TPTE2: variants seen among roughly 807,000 people sequenced by gnomAD.
The protein encoded by TPTE2 is transmembrane phosphoinositide 3-phosphatase and tensin homolog 2.
In TPTE2, 53 loss-of-function variants were observed where a neutral mutation model predicts 78.6. That is an observed-to-expected ratio of 0.67 (90% CI 0.54 to 0.85). The LOEUF (loss-of-function observed/expected upper bound fraction) is 0.85, where lower values mean the gene tolerates loss of function less well. TPTE2 is among the 40% of genes least tolerant of loss of function. The pLI is 0.00. For missense variants in TPTE2, 461 were observed against 623.0 expected (o/e 0.74, Z 2.77); for synonymous variants, 175 against 206.2 (o/e 0.85, Z 1.30).
chr13:19,495,355 G>A (rs540275294), intron 1 of TPTE2, among the ~76,000 whole-genome samples: 8 of 152,230 alleles, frequency 5.3e-5, no homozygotes, highest in African/African-American at 1.7e-4. Flanking sequence ...TCTGATCTTT[G>A]TCCACTCCTA....
chr13:19,559,023 A>G, the TPTE2 span, among the ~76,000 whole-genome samples: 1 of 152,196 alleles, frequency 6.6e-6, no homozygotes, highest in African/African-American at 2.4e-5. Context: ...GATCACTAAA[A>G]TTACCAGAAA....
At chr13:19,471,209 T>C (rs1879593297) in intron 6 of TPTE2, among the ~76,000 whole-genome samples, 1 of 152,124 alleles carries the variant, frequency 6.6e-6, no homozygotes, top group Non-Finnish European at 1.5e-5. Flanking sequence ...CACCTGGATG[T>C]GTCTTGTTCT....
chr13:19,499,947 A>G lies in TPTE2; in HGVS notation c.11+3277T>C, dbSNP rs1396864118. 2.1e-5 allele frequency among the ~76,000 whole-genome samples: 3 copies of G among 143,236 alleles called. 1 individual carries two copies. The highest frequency in any genetic ancestry group is 5.7e-5 in the African/African-American group (2 of 35,078). The allele number at this position is 143,236 out of a possible 152,430, so 94.0% of individuals were successfully genotyped here. A position where few individuals can be genotyped will look rare whatever the true frequency, so the allele number is the denominator to read the frequency against. ...AAGAGAGAAGAATCTATTAAACGCA[A>G]TAAAAAATGATAAAGGGGATATCAC... On this transcript the variant is annotated intron_variant, in intron 1 of 19. Coordinates refer to ENST00000400230, the Ensembl canonical transcript of TPTE2.
At chr13:19,493,657 A>G (rs1259865654) in intron 1 of TPTE2, 156 bp from the exon 5 acceptor site, 2 of 745,470 alleles carry the variant, frequency 2.7e-6, no homozygotes, top group Non-Finnish European at 2.4e-6. Flanking sequence ...ATTTTTCTTT[A>G]TTAGAAATGA....
chr13:19,428,634 T>A (rs1052435158), intron 17 of TPTE2, among the ~76,000 whole-genome samples: 6 of 151,004 alleles, frequency 4.0e-5, no homozygotes, highest in South Asian at 2.1e-4. Context: ...ATAAAAAAAA[T>A]TAGGGGATTG....
intron 5 of TPTE2, among the ~76,000 whole-genome samples, chr13:19,474,807 T>C (rs1326353268): frequency 2.6e-5 from 4 of 152,270 alleles, no homozygotes; most frequent in Non-Finnish European, 5.9e-5. Flanking sequence ...GAAACAATTA[T>C]ATTGCATAAA....
intron 3 of TPTE2, among the ~76,000 whole-genome samples, chr13:19,491,298 T>C (rs943094260): frequency 2.0e-5 from 3 of 152,204 alleles, no homozygotes; most frequent in Admixed American, 6.5e-5. Flanking sequence ...AAAAGGTACA[T>C]AGACATATAA....
chr13:19,494,362 C>G (rs1881185329), intron 1 of TPTE2, among the ~76,000 whole-genome samples: 1 of 152,180 alleles, frequency 6.6e-6, no homozygotes, highest in African/African-American at 2.4e-5. Flanking sequence ...ATCTCGGTCT[C>G]TTTCTCTGTC....
At chr13:19,548,777 A>G in the TPTE2 span, among the ~76,000 whole-genome samples, 1 of 152,020 alleles carries the variant, frequency 6.6e-6, no homozygotes, top group Non-Finnish European at 1.5e-5. Flanking sequence ...GATCTAGGAA[A>G]TACCATTCTA....
At chr13:19,431,876 C>T (rs1324734807) in intron 16 of TPTE2, among the ~76,000 whole-genome samples, 3 of 115,432 alleles carry the variant, frequency 2.6e-5, no homozygotes, top group Non-Finnish European at 5.9e-5. Context: ...AGCATCGCCT[C>T]CCTGCTACCT....
At position 19,535,228 on chromosome 13, in the gene TPTE2, T is replaced by A. The variant is rs56232613; in HGVS notation, c.-44+1368A>T. 0.016 allele frequency among the ~76,000 whole-genome samples: 1,283 copies of A among 80,480 alleles called. 16 individuals are homozygous for A. The highest frequency in any genetic ancestry group is 0.058 in the African/African-American group (1,054 of 18,168). 52.8% of individuals were successfully genotyped at this position (80,480 alleles called of 152,430 possible). On this transcript the variant is annotated intron_variant, in intron 1 of 17. Coordinates refer to the TPTE2 transcript ENST00000390680. This position sits in a 1 kb window ranked among gnomAD's most constrained non-coding sequence, Gnocchi z 5.1. ...AAAAAAACAAACAAACAAAAAAATA[T>A]ATATATATATATATTCTTTAGATCC...
upstream of TPTE2, among the ~76,000 whole-genome samples, chr13:19,537,969 A>G (rs1020120680): frequency 1.3e-5 from 2 of 152,152 alleles, no homozygotes; most frequent in East Asian, 1.9e-4. Context: ...ACATCCATCA[A>G]TAAGTAGATT....
At chr13:19,438,942 C>T (rs1013104032) in intron 13 of TPTE2, among the ~76,000 whole-genome samples, 9 of 152,052 alleles carry the variant, frequency 5.9e-5, no homozygotes, top group Admixed American at 1.3e-4. Flanking sequence ...TGGAGATCCA[C>T]GCAACCCGGG....
chr13:19,461,301 G>A (rs776509635), intron 10 of TPTE2, among the ~76,000 whole-genome samples: 8 of 151,996 alleles, frequency 5.3e-5, no homozygotes, highest in Non-Finnish European at 8.8e-5. Flanking sequence ...ATTTTTAACT[G>A]ACACATAATA....
At chr13:19,498,363 G>A (rs1180064305) in intron 1 of TPTE2, among the ~76,000 whole-genome samples, 2 of 152,018 alleles carry the variant, frequency 1.3e-5, no homozygotes, top group Non-Finnish European at 2.9e-5. Flanking sequence ...CACCAAAGTT[G>A]AAATGAAGGA....
At chr13:19,436,421 G>C (rs1877094343) in intron 14 of TPTE2, 115 bp from the exon 18 acceptor site, 1 of 1,055,290 alleles carries the variant, frequency 9.5e-7, no homozygotes, top group Non-Finnish European at 1.4e-6. Context: ...GATTTTGTTT[G>C]TTTGTTTTTT....
intron 1 of TPTE2, among the ~76,000 whole-genome samples, chr13:19,522,822 T>C (rs1870253188): frequency 6.6e-6 from 1 of 151,818 alleles, no homozygotes; most frequent in Non-Finnish European, 1.5e-5. Context: ...GAGACAGGGT[T>C]TCACCACATT....
At chr13:19,482,225 T>C (rs967364380) in intron 4 of TPTE2, among the ~76,000 whole-genome samples, 3 of 152,142 alleles carry the variant, frequency 2.0e-5, no homozygotes, top group Non-Finnish European at 4.4e-5. Flanking sequence ...AAAAAAACTT[T>C]TAATGGAATT....
intron 1 of TPTE2, among the ~76,000 whole-genome samples, chr13:19,523,285 C>T (rs1467107162): frequency 6.6e-6 from 1 of 152,184 alleles, no homozygotes; most frequent in Non-Finnish European, 1.5e-5. Flanking sequence ...ACAAAGCTCA[C>T]TATTCCCACC....
Sources: allele counts gnomAD v4.1 joint callset (sites outside exome capture counted in the v4.1 genomes callset), GRCh38; gene constraint gnomAD v4.1.1; non-coding constraint Gnocchi (gnomAD v3.1); transcripts MANE v1.5; gene names NCBI Gene and HGNC (gene_info 2026-07-23, HGNC 2026-07-21).